ZBTB16: variants seen among roughly 807,000 people sequenced by gnomAD.
ZBTB16 encodes zinc finger and BTB domain containing 16.
ZBTB16 carries 8 observed loss-of-function variants against 56.8 expected under a neutral mutation model. The ratio of observed to expected loss-of-function variants is 0.14; its 90% CI spans 0.08 to 0.25. The LOEUF (loss-of-function observed/expected upper bound fraction) is 0.25, where lower values mean the gene tolerates loss of function less well. ZBTB16 is among the 10% of genes least tolerant of loss of function. ZBTB16 has a pLI of 1.00. For synonymous variants in ZBTB16, 363 were observed against 368.5 expected (o/e 0.98, Z 0.17); for missense variants, 625 against 903.0 (o/e 0.69, Z 3.95).
At chr11:114,215,282 C>A (rs889839820) in intron 4 of ZBTB16, among the ~76,000 whole-genome samples, 1 of 152,178 alleles carries the variant, frequency 6.6e-6, no homozygotes, top group African/African-American at 2.4e-5. Flanking sequence ...TAGAAGTTGG[C>A]CTTCTTGCTT....
rs1350337481 is a variant in ZBTB16 at position 114,252,264 on chromosome 11, T to A, written c.*1709T>A. 6.6e-6 allele frequency among the ~76,000 whole-genome samples: 1 copy of A among 151,870 alleles called. No individual in the cohort carries two copies. Among genetic ancestry groups the A allele is most frequent in the African/African-American group, 2.4e-5 (1 of 41,356 alleles). On this transcript the variant is annotated 3_prime_UTR_variant, in exon 7 of 7. Transcript: ENST00000335953. ...GAGAGAATCCCACCTTTCTTACAAT[T>A]TGCTGGGCCATTGAGGTTTGAGGGC... is the stretch of plus-strand genomic sequence containing the variant.
At position 114,142,114 on chromosome 11, in the gene ZBTB16, C is replaced by T. The variant is rs116927727; in HGVS notation, c.1269-14223C>T. 4.1e-3 allele frequency among the ~76,000 whole-genome samples: 618 copies of T among 152,264 alleles called. 3 individuals are homozygous for T. The highest frequency in any genetic ancestry group is 7.1e-3 in the Non-Finnish European group (481 of 68,030). Reference sequence around the variant, plus strand: ...TGGAGGTGACTTGGTGACAAATGCTCAGTGTGATGTTGTCTTTGTGGCAGA... The same window carrying T: ...TGGAGGTGACTTGGTGACAAATGCTTAGTGTGATGTTGTCTTTGTGGCAGA... On this transcript the variant is annotated intron_variant, in intron 2 of 6. Transcript: ENST00000335953.
intron 2 of ZBTB16, among the ~76,000 whole-genome samples, chr11:114,078,980 C>T (rs891246517): frequency 1.7e-4 from 26 of 151,226 alleles, no homozygotes; most frequent in Middle Eastern, 3.2e-3. Flanking sequence ...CTTGGGATTA[C>T]AGGTGCCTGT....
rs555245896 is a variant in ZBTB16, at chr11:114,234,476, G to A, written c.1454-7691G>A. 2.6e-5 allele frequency among the ~76,000 whole-genome samples: 4 copies of A among 152,262 alleles called. No individual in the cohort carries two copies. The East Asian group carries it at 5.8e-4, about 22-fold the overall frequency. ...CAGCTGATTGGAGTTTCCAGGGTTC[G>A]GTGGGCTGATTTGGCCTTCATTGCC... On this transcript the variant is annotated intron_variant, in intron 4 of 6. Transcript: ENST00000335953.
At chr11:114,156,205 C>A in intron 2 of ZBTB16, 132 bp from the exon 3 acceptor site, 1 of 824,950 alleles carries the variant, frequency 1.2e-6, no homozygotes, top group Non-Finnish European at 2.0e-6. Flanking sequence ...GGATGTGTTT[C>A]CATCGGTGCC....
rs10526570 is a variant in ZBTB16 at position 114,075,629 on chromosome 11, G to GTATATATATA, written c.1268+11071_1268+11080dup. Among the ~76,000 whole-genome samples, 76 of 141,098 alleles carry GTATATATATA rather than the reference G, an allele frequency of 5.4e-4. 1 individual carries two copies. Among genetic ancestry groups the GTATATATATA allele is most frequent in the African/African-American group, 2.0e-3 (70 of 34,726 alleles). 92.6% of individuals were successfully genotyped at this position (141,098 alleles called of 152,430 possible). ...GCACCACCACACCTGGCTAATTTTTGTATATATATATATATATATTTAGTA... is the reference window on the plus strand; with the variant it reads ...GCACCACCACACCTGGCTAATTTTTGTATATATATATATATATATATATATATATTTAGTA... On this transcript the variant is annotated intron_variant, in intron 2 of 6. Coordinates refer to ENST00000335953, the MANE Select transcript of ZBTB16 (RefSeq NM_006006.6).
intron 4 of ZBTB16, among the ~76,000 whole-genome samples, chr11:114,238,035 A>C (rs890114034): frequency 6.6e-6 from 1 of 152,144 alleles, no homozygotes; most frequent in Non-Finnish European, 1.5e-5. Context: ...TTTCCTTTCC[A>C]GCTGGTGACC....
intron 3 of ZBTB16, among the ~76,000 whole-genome samples, chr11:114,180,336 A>G (rs1411744147): frequency 1.4e-4 from 22 of 152,150 alleles, no homozygotes; most frequent in Admixed American, 1.4e-3. Flanking sequence ...ACAACTGGGT[A>G]CCTGGAATCT....
chr11:114,100,563 A>G (rs959939875), intron 2 of ZBTB16, among the ~76,000 whole-genome samples: 1 of 152,124 alleles, frequency 6.6e-6, no homozygotes, highest in African/African-American at 2.4e-5. Context: ...AAAAGTGTTT[A>G]AACTAAGACC....
intron 2 of ZBTB16, among the ~76,000 whole-genome samples, chr11:114,083,636 T>A (rs1939858122): frequency 6.6e-6 from 1 of 152,212 alleles, no homozygotes; most frequent in African/African-American, 2.4e-5. Flanking sequence ...TGCCCTGTTC[T>A]GCTGTGGTGG....
intron 2 of ZBTB16, among the ~76,000 whole-genome samples, chr11:114,104,874 G>A (rs138862262): frequency 9.2e-5 from 14 of 152,320 alleles, no homozygotes; most frequent in African/African-American, 2.6e-4. Context: ...GGGCACCAGA[G>A]TCATTGCAAC....
chr11:114,115,864 G>A (rs1591681242), intron 2 of ZBTB16, among the ~76,000 whole-genome samples: 1 of 152,218 alleles, frequency 6.6e-6, no homozygotes, highest in East Asian at 1.9e-4. Flanking sequence ...CTCCATACTG[G>A]CTCCCAGCGA....
intron 3 of ZBTB16, among the ~76,000 whole-genome samples, chr11:114,186,023 C>T (rs1014708365): frequency 4.6e-5 from 7 of 152,024 alleles, no homozygotes; most frequent in Non-Finnish European, 7.4e-5. Context: ...AGGGAGCTTA[C>T]GGTGTGGTGA....
chr11:114,066,497 T>A (rs567698077), intron 2 of ZBTB16, among the ~76,000 whole-genome samples: 53 of 152,260 alleles, frequency 3.5e-4, no homozygotes, highest in African/African-American at 1.3e-3. Flanking sequence ...CTGTGTGCTA[T>A]GAGAACTGGG....
At position 114,144,313 on chromosome 11, in the gene ZBTB16, G is replaced by A. The variant is rs1351365473; in HGVS notation, c.1269-12024G>A. 7.9e-5 allele frequency among the ~76,000 whole-genome samples: 12 copies of A among 152,156 alleles called. No individual in the cohort carries two copies. In the South Asian group the frequency reaches 1.9e-3, roughly 24 times the overall value. On this transcript the variant is annotated intron_variant, in intron 2 of 6. Coordinates refer to ENST00000335953, the MANE Select transcript of ZBTB16 (RefSeq NM_006006.6). Reference sequence around the variant, plus strand: ...CTGTCCTTTTCACACAAAGCTCCCTGTTGGGAAAACTCATAATTTTCACAC... The same window carrying A: ...CTGTCCTTTTCACACAAAGCTCCCTATTGGGAAAACTCATAATTTTCACAC...
chr11:114,201,736 A>G (rs564313473), intron 4 of ZBTB16, among the ~76,000 whole-genome samples: 2 of 152,320 alleles, frequency 1.3e-5, no homozygotes, highest in East Asian at 3.9e-4. Flanking sequence ...AAGCCACCCT[A>G]TAAGACTCTG....
chr11:114,082,237 G>T (rs545603245), intron 2 of ZBTB16, among the ~76,000 whole-genome samples: 2 of 151,992 alleles, frequency 1.3e-5, no homozygotes, highest in East Asian at 1.9e-4. Flanking sequence ...CTATGATCAC[G>T]CCACTGCACT....
chr11:114,229,582 CCTT>C (rs1206910544), intron 4 of ZBTB16, among the ~76,000 whole-genome samples: 2 of 152,248 alleles, frequency 1.3e-5, no homozygotes, highest in African/African-American at 4.8e-5. Context: ...ATTTCTGTCT[CCTT>C]CTCTGAAGGA....
At chr11:114,248,957 C>T (rs1390133171) in intron 6 of ZBTB16, among the ~76,000 whole-genome samples, 3 of 152,112 alleles carry the variant, frequency 2.0e-5, no homozygotes, top group Non-Finnish European at 2.9e-5. Flanking sequence ...GTATTGATAG[C>T]GAGATGGCTG....
Sources: allele counts gnomAD v4.1 joint callset (sites outside exome capture counted in the v4.1 genomes callset), GRCh38; gene constraint gnomAD v4.1.1; transcripts MANE v1.5; gene names NCBI Gene and HGNC (gene_info 2026-07-23, HGNC 2026-07-21).